PRKN: variants seen among roughly 807,000 people sequenced by gnomAD.
The protein encoded by PRKN is E3 ubiquitin-protein ligase parkin.
A neutral mutation model predicts 59.5 loss-of-function variants in PRKN; 56 were observed. The ratio of observed to expected loss-of-function variants is 0.94; its 90% CI spans 0.76 to 1.18. The LOEUF (loss-of-function observed/expected upper bound fraction) is 1.18, where lower values mean the gene tolerates loss of function less well. Among genes scored for constraint, PRKN ranks in the 50% most tolerant of loss-of-function variants. PRKN has a pLI of 0.00. For synonymous variants in PRKN, 250 were observed against 222.1 expected, an observed-to-expected ratio of 1.13 and a Z score of -1.12; for missense variants, 657 against 596.4, an observed-to-expected ratio of 1.10 and a Z score of -1.06.
chr6:162,724,520 T>G (rs1779051971), intron 1 of PRKN, among the ~76,000 whole-genome samples: 1 of 152,208 alleles, frequency 6.6e-6, no homozygotes, highest in Admixed American at 6.5e-5. Context: ...CTCCTTAAAC[T>G]AAGCCAGGAT....
chr6:162,118,267 T>C (rs1241644121), intron 4 of PRKN, among the ~76,000 whole-genome samples: 1 of 151,704 alleles, frequency 6.6e-6, no homozygotes, highest in South Asian at 2.1e-4. Context: ...TAGCCAGGCG[T>C]GGTGGCCAGC....
chr6:161,861,883 C>T (rs1372726016), intron 6 of PRKN, among the ~76,000 whole-genome samples: 1 of 152,296 alleles, frequency 6.6e-6, no homozygotes, highest in Non-Finnish European at 1.5e-5. Flanking sequence ...CACAAACTTG[C>T]TGCCTTAATA....
intron 2 of PRKN, among the ~76,000 whole-genome samples, chr6:162,276,757 A>G (rs1219756549): frequency 2.0e-5 from 3 of 151,764 alleles, no homozygotes; most frequent in Non-Finnish European, 4.4e-5. Flanking sequence ...GATAATTGAT[A>G]GCATGTTATA....
chr6:162,479,991 G>A (rs1792218943), intron 1 of PRKN, among the ~76,000 whole-genome samples: 1 of 151,978 alleles, frequency 6.6e-6, no homozygotes, highest in African/African-American at 2.4e-5. Flanking sequence ...CTTAAACCCG[G>A]GAGGTGGAGG....
rs188805272 is a variant in PRKN, at chr6:162,502,485, G to T, written c.8-59012C>A. 5.3e-5 allele frequency among the ~76,000 whole-genome samples: 8 copies of T among 152,268 alleles called. No homozygotes were observed. The East Asian group carries it at 1.4e-3, about 26-fold the overall frequency. On this transcript the variant is annotated intron_variant, in intron 1 of 11. Coordinates refer to ENST00000366898, the MANE Select transcript of PRKN (RefSeq NM_004562.3). ...ACAGTACCTCCTGAGATGAAGCAAGGTGTGGGCAGGCTTCACTAAAGGGCA... is the reference window on the plus strand; with the variant it reads ...ACAGTACCTCCTGAGATGAAGCAAGTTGTGGGCAGGCTTCACTAAAGGGCA...
In PRKN at chr6:162,161,222, C is replaced by T. The variant is rs551285121; in HGVS notation, c.534+39909G>A. 1.6e-4 allele frequency among the ~76,000 whole-genome samples: 24 copies of T among 152,242 alleles called. No homozygotes were observed. In the South Asian group the frequency reaches 2.5e-3, roughly 16 times the overall value. ...TGACCACGTGAGCATTCTAGGGATG[C>T]GATCCCCAGAAATCTAGGTCACAGA... On this transcript the variant is annotated intron_variant, in intron 4 of 11. Coordinates refer to ENST00000366898, the MANE Select transcript of PRKN (RefSeq NM_004562.3).
intron 9 of PRKN, among the ~76,000 whole-genome samples, chr6:161,420,807 T>C (rs1390467552): frequency 1.3e-5 from 2 of 152,190 alleles, no homozygotes; most frequent in African/African-American, 2.4e-5. Context: ...GATCCTGATT[T>C]TACAAATGAA....
chr6:162,575,583 C>A (rs1270084661), intron 1 of PRKN, among the ~76,000 whole-genome samples: 1 of 152,182 alleles, frequency 6.6e-6, no homozygotes, highest in Admixed American at 6.5e-5. Flanking sequence ...CTGATACATG[C>A]AGACTTGACC....
rs529386499 is a variant in PRKN, at chr6:161,479,576, C to T, written c.1083+69278G>A. Among the ~76,000 whole-genome samples, 32 of 152,308 alleles carry T rather than the reference C, an allele frequency of 2.1e-4. No homozygotes were observed. The South Asian group carries it at 5.4e-3, about 26-fold the overall frequency. On this transcript the variant is annotated intron_variant, in intron 9 of 11. Transcript: ENST00000366898. ...TTGGCTGGAAAGGATTTAATCCTGACGCTGCAACATTAACTTTCTGAGCAT... is the reference window on the plus strand; with the variant it reads ...TTGGCTGGAAAGGATTTAATCCTGATGCTGCAACATTAACTTTCTGAGCAT...
chr6:161,390,901 G>A lies in PRKN; in HGVS notation c.1084-4024C>T, dbSNP rs966860805. On this transcript the variant is annotated intron_variant, in intron 9 of 11. Coordinates refer to ENST00000366898, the MANE Select transcript of PRKN (RefSeq NM_004562.3). This position sits in a 1 kb window ranked among gnomAD's most constrained non-coding sequence, Gnocchi z 7.0. ...ATGACATTAATTCTTACTATGCTAC[G>A]TGGTACAAAACCTTTCATAACCACA... Among the ~76,000 whole-genome samples, 28 of 152,034 alleles carry A rather than the reference G, an allele frequency of 1.8e-4. No homozygotes were observed. Among genetic ancestry groups the A allele is most frequent in the African/African-American group, 6.3e-4 (26 of 41,344 alleles).
At chr6:161,481,460 T>C (rs1436796999) in intron 9 of PRKN, among the ~76,000 whole-genome samples, 2 of 151,922 alleles carry the variant, frequency 1.3e-5, no homozygotes, top group Non-Finnish European at 2.9e-5. Context: ...AAAAATTAGC[T>C]GGGCATGGTG....
intron 9 of PRKN, among the ~76,000 whole-genome samples, chr6:161,387,917 G>A (rs1786338222): frequency 6.6e-6 from 1 of 152,182 alleles, no homozygotes; most frequent in Non-Finnish European, 1.5e-5. Flanking sequence ...ATGATGAGCA[G>A]CATTCACCAT....
rs112940460 is a variant in PRKN at position 162,710,979 on chromosome 6, G to A, written c.7+16683C>T. 5.2e-3 allele frequency among the ~76,000 whole-genome samples: 785 copies of A among 152,270 alleles called. 7 individuals are homozygous for A. Among genetic ancestry groups the A allele is most frequent in the African/African-American group, 0.017 (717 of 41,554 alleles). On this transcript the variant is annotated intron_variant, in intron 1 of 11. Coordinates refer to ENST00000366898, the MANE Select transcript of PRKN (RefSeq NM_004562.3). ...GAAAATAATGGCAGCTACTTCTTTGGAGGAACCATATCCCCCACTCCACTA... is the reference window on the plus strand; with the variant it reads ...GAAAATAATGGCAGCTACTTCTTTGAAGGAACCATATCCCCCACTCCACTA...
rs1431202841 is a variant in PRKN at position 161,458,241 on chromosome 6, C to G, written c.1084-71364G>C. ...GGCCTGGTGTCTCTGCTGCCACTTA[C>G]AGATTTCAGAAACGTGTTGTCATTC... On this transcript the variant is annotated intron_variant, in intron 9 of 11. Coordinates refer to ENST00000366898, the MANE Select transcript of PRKN (RefSeq NM_004562.3). The surrounding 1 kb of genome is among the most constrained non-coding windows in gnomAD (Gnocchi z 6.1). Among the ~76,000 whole-genome samples the G allele has an allele frequency of 6.6e-6, 1 of 152,178 alleles. No individual in the cohort carries two copies. The highest frequency in any genetic ancestry group is 1.5e-5 in the Non-Finnish European group (1 of 68,040).
intron 6 of PRKN, among the ~76,000 whole-genome samples, chr6:161,952,040 GTT>G (rs1780009746): frequency 6.6e-6 from 1 of 152,092 alleles, no homozygotes; most frequent in Non-Finnish European, 1.5e-5. Context: ...ATATCCTTCA[GTT>G]GACAAGAATG....
intron 5 of PRKN, among the ~76,000 whole-genome samples, chr6:162,001,353 G>A (rs1049378492): frequency 6.6e-6 from 1 of 151,958 alleles, no homozygotes; most frequent in Admixed American, 6.6e-5. Context: ...ATCTTGGACA[G>A]TTTTGTTAGT....
intron 1 of PRKN, among the ~76,000 whole-genome samples, chr6:162,456,655 T>G (rs1176220146): frequency 6.6e-6 from 1 of 152,168 alleles, no homozygotes; most frequent in Non-Finnish European, 1.5e-5. Flanking sequence ...ACTAAAGCAT[T>G]GTTCCTAGGG....
rs542810657 is a variant in PRKN, at chr6:161,488,988, C to T, written c.1083+59866G>A. ...GATAACCTACTGTGATGACATTTCT[C>T]AGGAACGAGGCGACTAGAAGAAAAA... is the stretch of plus-strand genomic sequence containing the variant. On this transcript the variant is annotated intron_variant, in intron 9 of 11. Transcript: ENST00000366898. The surrounding 1 kb of genome is among the most constrained non-coding windows in gnomAD (Gnocchi z 4.5). 3.9e-4 allele frequency among the ~76,000 whole-genome samples: 59 copies of T among 152,264 alleles called. 1 individual carries two copies. The highest frequency in any genetic ancestry group is 1.3e-3 in the African/African-American group (56 of 41,560).
intron 1 of PRKN, among the ~76,000 whole-genome samples, chr6:162,534,420 T>C (rs1036259727): frequency 1.3e-5 from 2 of 152,188 alleles, no homozygotes; most frequent in African/African-American, 4.8e-5. Flanking sequence ...AAGCATGCTG[T>C]GCCTCTTTAC....
Sources: allele counts gnomAD v4.1 joint callset (sites outside exome capture counted in the v4.1 genomes callset), GRCh38; gene constraint gnomAD v4.1.1; non-coding constraint Gnocchi (gnomAD v3.1); transcripts MANE v1.5; gene names NCBI Gene and HGNC (gene_info 2026-07-23, HGNC 2026-07-21).